CDH23: variants seen among roughly 807,000 people sequenced by gnomAD.
CDH23 encodes the protein cadherin-23.
A neutral mutation model predicts 317.1 loss-of-function variants in CDH23; 189 were observed. That is an observed-to-expected ratio of 0.60 (90% CI 0.53 to 0.67). CDH23 has a LOEUF of 0.67. Ranked by LOEUF, CDH23 falls within the 30% of genes least tolerant of loss-of-function variation. CDH23 has a pLI of 0.00. For synonymous variants in CDH23, 1,839 were observed against 1,876.8 expected, an observed-to-expected ratio of 0.98 and a Z score of 0.52; for missense variants, 4,401 against 4,592.4, an observed-to-expected ratio of 0.96 and a Z score of 1.20.
intron 38 of CDH23, chr10:71,761,040 C>T: frequency 9.8e-7 from 1 of 1,024,948 alleles, no homozygotes; most frequent in African/African-American, 1.6e-5. Flanking sequence ...GCCTACTCGG[C>T]AGTGTTGGCC....
At chr10:71,667,395 T>TGTGCGC (rs776161347) in intron 14 of CDH23, among the ~76,000 whole-genome samples, 3 of 138,680 alleles carry the variant, frequency 2.2e-5, no homozygotes, top group African/African-American at 8.6e-5. Context: ...TGTGTGTGTG[T>TGTGCGC]GCGCGTGTGT....
chr10:71,805,882 A>G lies in CDH23; in HGVS notation c.7949A>G (p.Tyr2650Cys). Residue 2650 changes from tyrosine to cysteine, a missense_variant, in exon 56 of 70, where the codon TAC becomes TGC. This residue lies in a region of CDH23 where 1,144 missense variants were observed against 1,138.2 expected (regional missense o/e 1.01). Coordinates refer to ENST00000224721, the MANE Select transcript of CDH23 (RefSeq NM_022124.6). ...GAGGGCCTCAACGGGGCGGTGCGCT[A>G]CAGCTTCCTGAAGACTGCGGGCAAC... ...KDEGLNGAVR[Y>C]SFLKTAGNRD... 2 of 1,613,828 alleles carry G rather than the reference A, an allele frequency of 1.2e-6. No homozygotes were observed. The highest frequency in any genetic ancestry group is 1.7e-6 in the Non-Finnish European group (2 of 1,179,844).
chr10:71,738,570 A>T lies in CDH23; in HGVS notation c.4282A>T (p.Ile1428Leu). 6.2e-7 allele frequency: 1 copy of T among 1,613,928 alleles called. No individual in the cohort carries two copies. Among genetic ancestry groups the T allele is most frequent in the Non-Finnish European group, 8.5e-7 (1 of 1,179,896 alleles). The change falls in exon 35 of 70, where the codon ATA becomes TTA. Residue 1428 changes from isoleucine to leucine, a missense_variant. Around this residue, in one of 3 missense-constraint regions of CDH23, gnomAD observed 3,068 missense variants for 3,203.3 expected, o/e 0.96. Coordinates refer to ENST00000224721, the MANE Select transcript of CDH23 (RefSeq NM_022124.6). ...FDFTSDSAVS[I>L]PEDCPVGQRV... ...CTTCACCTCCGACTCGGCGGTCAGC[A>T]TACCCGAGGACTGCCCTGTGGGCCA... is the stretch of plus-strand genomic sequence containing the variant.
intron 3 of CDH23, among the ~76,000 whole-genome samples, chr10:71,488,949 C>T (rs79950189): frequency 0.011 from 1,623 of 152,328 alleles, 22 homozygotes; most frequent in African/African-American, 0.032. Flanking sequence ...ATTGAGAAAT[C>T]ACCTGTAAGT....
intron 38 of CDH23, among the ~76,000 whole-genome samples, chr10:71,768,544 T>C (rs7076317): frequency 0.36 from 54,088 of 151,870 alleles, 10,211 homozygotes; most frequent in South Asian, 0.48. Flanking sequence ...AATGAGATCA[T>C]AGCCCACTGT....
chr10:71,779,235 G>A, intron 40 of CDH23, 32 bp from the exon 41 acceptor site: 1 of 1,611,184 alleles, frequency 6.2e-7, no homozygotes, highest in Non-Finnish European at 8.5e-7. Flanking sequence ...TGGCTGGGGT[G>A]AGGCCTTGGC....
intron 6 of CDH23, among the ~76,000 whole-genome samples, chr10:71,543,418 A>G (rs1856094765): frequency 6.6e-6 from 1 of 152,206 alleles, no homozygotes; most frequent in African/African-American, 2.4e-5. Flanking sequence ...CAGATGTCTG[A>G]TGGTAATGAC....
chr10:71,474,404 T>G (rs1851680602), intron 3 of CDH23, among the ~76,000 whole-genome samples: 1 of 152,222 alleles, frequency 6.6e-6, no homozygotes, highest in Non-Finnish European at 1.5e-5. Flanking sequence ...TCAGGAAGCC[T>G]TCAGAGACCA....
intron 1 of CDH23, among the ~76,000 whole-genome samples, chr10:71,417,893 G>A (rs1240654849): frequency 6.6e-6 from 1 of 152,224 alleles, no homozygotes; most frequent in Non-Finnish European, 1.5e-5. Flanking sequence ...ACAGGCATGA[G>A]CCACTGCACC....
intron 37 of CDH23, 95 bp downstream of exon 37, chr10:71,741,045 C>A: frequency 7.1e-7 from 1 of 1,416,864 alleles, no homozygotes; most frequent in Non-Finnish European, 9.9e-7. Flanking sequence ...CTGCCTGGCC[C>A]ACTGGTCCCT....
chr10:71,460,163 A>C (rs1850907358), intron 3 of CDH23, among the ~76,000 whole-genome samples: 1 of 152,234 alleles, frequency 6.6e-6, no homozygotes, highest in African/African-American at 2.4e-5. Context: ...CTCTCTCTCC[A>C]TAACCAATGC....
chr10:71,637,718 G>A (rs1868004), intron 11 of CDH23, among the ~76,000 whole-genome samples: 376 of 152,166 alleles, frequency 2.5e-3, no homozygotes, highest in African/African-American at 8.7e-3. Flanking sequence ...GCCCCACTCC[G>A]CACTCCAGAT....
At chr10:71,703,039 G>A (rs1243967204) in intron 24 of CDH23, among the ~76,000 whole-genome samples, 2 of 152,298 alleles carry the variant, frequency 1.3e-5, no homozygotes, top group Non-Finnish European at 1.5e-5. Context: ...GTAGCCCTGG[G>A]CATCTGCCTC....
At chr10:71,477,034 C>A (rs1851826969) in intron 3 of CDH23, among the ~76,000 whole-genome samples, 1 of 152,182 alleles carries the variant, frequency 6.6e-6, no homozygotes, top group Admixed American at 6.5e-5. Context: ...TAACTCTTCT[C>A]CATCTTCCTC....
rs61853164 is a variant in CDH23 at position 71,399,193 on chromosome 10, G to A, written c.-6+1875G>A. On this transcript the variant is annotated intron_variant, in intron 1 of 69. Coordinates refer to ENST00000224721, the MANE Select transcript of CDH23 (RefSeq NM_022124.6). ...TTCTTCTGGGAGGTGAAGGTGTAGC[G>A]GAACCTTGCTCCTCAGAGTGTGGCC... Among the ~76,000 whole-genome samples the A allele has an allele frequency of 4.1e-4, 63 of 152,330 alleles. 1 individual carries two copies. Among genetic ancestry groups the A allele is most frequent in the Admixed American group, 1.9e-3 (29 of 15,302 alleles).
intron 9 of CDH23, 78 bp downstream of exon 9, chr10:71,578,070 C>A: frequency 7.1e-7 from 1 of 1,410,656 alleles, no homozygotes; most frequent in Non-Finnish European, 9.8e-7. Context: ...ATCTCAGGCT[C>A]TGAGGGCTAA....
chr10:71,609,836 T>C (rs1460273510), intron 9 of CDH23, among the ~76,000 whole-genome samples: 1 of 152,178 alleles, frequency 6.6e-6, no homozygotes, highest in African/African-American at 2.4e-5. Context: ...GTCCCCATGG[T>C]AGGCCACCTC....
At chr10:71,485,466 G>T (rs575668962) in intron 3 of CDH23, among the ~76,000 whole-genome samples, 10 of 152,320 alleles carry the variant, frequency 6.6e-5, no homozygotes, top group African/African-American at 2.4e-4. Flanking sequence ...TTGTGCTCAG[G>T]CTGCCATGTC....
chr10:71,615,730 C>A lies in CDH23; in HGVS notation c.945+114C>A, dbSNP rs1589264929. 5.6e-6 allele frequency: 4 copies of A among 714,190 alleles called. No homozygotes were observed. The East Asian group carries it at 8.1e-5, about 14-fold the overall frequency. 44.2% of individuals were successfully genotyped at this position (714,190 alleles called of 1,614,324 possible). Reference sequence around the variant, plus strand: ...CCCGGTGGTGGCGCCGGAAGCACTTCGCTTCCGTGCTCTCACCCTGCACTG... The same window carrying A: ...CCCGGTGGTGGCGCCGGAAGCACTTAGCTTCCGTGCTCTCACCCTGCACTG... On this transcript the variant is annotated intron_variant, in intron 10 of 69. Coordinates refer to ENST00000224721, the MANE Select transcript of CDH23 (RefSeq NM_022124.6).
Sources: allele counts gnomAD v4.1 joint callset (sites outside exome capture counted in the v4.1 genomes callset), GRCh38; gene constraint gnomAD v4.1.1; regional missense constraint gnomAD v4.1.1; transcripts MANE v1.5; gene names NCBI Gene and HGNC (gene_info 2026-07-23, HGNC 2026-07-21).